KCNH5: variants seen among roughly 807,000 people sequenced by gnomAD.
KCNH5 encodes the protein potassium voltage-gated channel subfamily H member 5.
A neutral mutation model predicts 96.1 loss-of-function variants in KCNH5; 46 were observed. That is an observed-to-expected ratio of 0.48 (90% CI 0.38 to 0.61). KCNH5 has a LOEUF of 0.61. KCNH5 is among the 20% of genes least tolerant of loss of function. The pLI is 0.00. For synonymous variants in KCNH5, 439 were observed against 449.8 expected, an observed-to-expected ratio of 0.98 and a Z score of 0.30; for missense variants, 907 against 1,225.8, an observed-to-expected ratio of 0.74 and a Z score of 3.88.
chr14:62,742,119 C>A (rs974104443), intron 10 of KCNH5, among the ~76,000 whole-genome samples: 3 of 152,024 alleles, frequency 2.0e-5, no homozygotes, highest in Non-Finnish European at 2.9e-5. Flanking sequence ...GAGGAGAGTA[C>A]AACATATTTT....
intron 1 of KCNH5, among the ~76,000 whole-genome samples, chr14:63,024,217 T>C (rs182490737): frequency 6.9e-6 from 1 of 145,166 alleles, no homozygotes; most frequent in Non-Finnish European, 1.5e-5. Context: ...TCAAAAAATA[T>C]ATATATATAT....
At chr14:62,844,184 C>CA (rs1887645838) in intron 8 of KCNH5, among the ~76,000 whole-genome samples, 1 of 151,050 alleles carries the variant, frequency 6.6e-6, no homozygotes, top group African/African-American at 2.4e-5. Context: ...ACATATGAAA[C>CA]AAAAATGAAG....
chr14:62,990,555 A>G (rs1890790717), intron 4 of KCNH5, among the ~76,000 whole-genome samples: 1 of 152,098 alleles, frequency 6.6e-6, no homozygotes, highest in Non-Finnish European at 1.5e-5. Context: ...GATTTGAAAA[A>G]CAGAAAGAAA....
chr14:62,930,687 C>A (rs1406961855), intron 7 of KCNH5, among the ~76,000 whole-genome samples: 1 of 152,144 alleles, frequency 6.6e-6, no homozygotes, highest in Non-Finnish European at 1.5e-5. Context: ...TCCCTGTGCA[C>A]TACAGAATGC....
intron 10 of KCNH5, among the ~76,000 whole-genome samples, chr14:62,719,128 G>A (rs1055777556): frequency 2.6e-5 from 4 of 152,188 alleles, no homozygotes; most frequent in African/African-American, 9.7e-5. Context: ...ATTAGATAAT[G>A]GGGATGGTTG....
intron 6 of KCNH5, among the ~76,000 whole-genome samples, chr14:62,953,624 A>G (rs958469274): frequency 3.9e-5 from 6 of 152,204 alleles, no homozygotes; most frequent in African/African-American, 1.4e-4. Flanking sequence ...CGAAGCCTCA[A>G]CTTTTCCCAT....
intron 7 of KCNH5, among the ~76,000 whole-genome samples, chr14:62,880,687 G>C (rs1355092146): frequency 6.6e-6 from 1 of 152,202 alleles, no homozygotes; most frequent in East Asian, 1.9e-4. Flanking sequence ...GACTGTAGGT[G>C]AGCAGAGAAG....
chr14:62,908,020 T>A (rs1044055478), intron 7 of KCNH5, among the ~76,000 whole-genome samples: 1 of 152,166 alleles, frequency 6.6e-6, no homozygotes, highest in Non-Finnish European at 1.5e-5. Context: ...TATGAATCTA[T>A]CCACAAAGAC....
At position 62,866,480 on chromosome 14, in the gene KCNH5, A is replaced by G. The variant is rs534348112; in HGVS notation, c.1370-16628T>C. Among the ~76,000 whole-genome samples, 3 of 152,312 alleles carry G rather than the reference A, an allele frequency of 2.0e-5. No homozygotes were observed. In the East Asian group the frequency reaches 5.8e-4, roughly 29 times the overall value. On this transcript the variant is annotated intron_variant, in intron 7 of 10. Coordinates refer to ENST00000322893, the MANE Select transcript of KCNH5 (RefSeq NM_139318.5). ...TAAATCATTACTGCCAAGGCTTGAC[A>G]TGTATGGAATAAAGCCATATCAAGT...
At chr14:62,840,566 C>CTTTTTTTTTTTTTTTTTTTTTTTTTTT (rs71120238) in intron 8 of KCNH5, among the ~76,000 whole-genome samples, 3 of 76,366 alleles carry the variant, frequency 3.9e-5, no homozygotes, top group African/African-American at 1.2e-4. Context: ...TCTTTTTTTT[C>CTTTTTTTTTTTTTTTTTTTTTTTTTTT]TTTTTTTTTT....
intron 7 of KCNH5, among the ~76,000 whole-genome samples, chr14:62,911,410 C>T (rs1889151965): frequency 6.6e-6 from 1 of 151,664 alleles, no homozygotes; most frequent in South Asian, 2.1e-4. Context: ...TCCCGAGTAG[C>T]TGGGAAAATT....
At chr14:63,014,561 A>C (rs1254442512) in intron 2 of KCNH5, among the ~76,000 whole-genome samples, 1 of 152,264 alleles carries the variant, frequency 6.6e-6, no homozygotes, top group Admixed American at 6.6e-5. Flanking sequence ...GGATAGGGCA[A>C]ATACATGGGA....
At chr14:63,017,169 T>A (rs1057381664) in intron 1 of KCNH5, among the ~76,000 whole-genome samples, 1 of 151,956 alleles carries the variant, frequency 6.6e-6, no homozygotes, top group Non-Finnish European at 1.5e-5. Flanking sequence ...AACTAAAAAT[T>A]CCATTTAAAC....
chr14:62,759,213 T>C (rs542464071), intron 10 of KCNH5, among the ~76,000 whole-genome samples: 2 of 144,708 alleles, frequency 1.4e-5, no homozygotes, highest in East Asian at 2.2e-4. Flanking sequence ...AATCTATCTC[T>C]GGTCTTCTTT....
chr14:62,955,896 G>A (rs147607679), intron 6 of KCNH5, among the ~76,000 whole-genome samples: 6 of 152,172 alleles, frequency 3.9e-5, no homozygotes, highest in South Asian at 2.1e-4. Flanking sequence ...TGAACGAATC[G>A]TCCAAAGACA....
chr14:62,973,010 G>A (rs1890437372), intron 6 of KCNH5, among the ~76,000 whole-genome samples: 1 of 152,164 alleles, frequency 6.6e-6, no homozygotes, highest in South Asian at 2.1e-4. Flanking sequence ...GATCAACTTT[G>A]GGTGATAATG....
intron 1 of KCNH5, among the ~76,000 whole-genome samples, chr14:63,021,436 G>A (rs1050227091): frequency 6.6e-6 from 1 of 152,054 alleles, no homozygotes; most frequent in Non-Finnish European, 1.5e-5. Context: ...GCTCATTCAT[G>A]CTGCCCACTA....
chr14:62,946,163 C>G (rs963262398), intron 7 of KCNH5, among the ~76,000 whole-genome samples: 24 of 152,040 alleles, frequency 1.6e-4, no homozygotes, highest in Admixed American at 1.4e-3. Flanking sequence ...GAGAAATAAT[C>G]AAATGTATTT....
rs1462525578 is a variant in KCNH5, at chr14:62,950,458, G to A, written c.1044C>T (p.Val348=). 2.5e-6 allele frequency: 4 copies of A among 1,613,674 alleles called. No individual in the cohort carries two copies. The African/African-American group carries it at 4.0e-5, about 16-fold the overall frequency. ...LDHYLEYGAA[V]LVLLVCVFGL... ...CAAACACACACACCAGGAGCACGAG[G>A]ACTGCTGCTCCATATTCTAGGTAAT... The change falls in exon 7 of 11, where the codon GTC becomes GTT. Residue 348 remains valine, a synonymous_variant. Transcript: ENST00000322893.
Sources: allele counts gnomAD v4.1 joint callset (sites outside exome capture counted in the v4.1 genomes callset), GRCh38; gene constraint gnomAD v4.1.1; transcripts MANE v1.5; gene names NCBI Gene and HGNC (gene_info 2026-07-23, HGNC 2026-07-21).